The following CHST12 variants were observed in gnomAD, a reference collection of about 807,000 sequenced individuals.
The protein encoded by CHST12 is carbohydrate sulfotransferase 12, also known as carbohydrate (chondroitin 4) sulfotransferase 12.
In CHST12, 23 loss-of-function variants were observed where a neutral mutation model predicts 27.9. The ratio of observed to expected loss-of-function variants is 0.82; its 90% CI spans 0.59 to 1.17. CHST12 has a LOEUF of 1.17. Ranked by LOEUF, CHST12 falls within the 50% of genes most tolerant of loss-of-function variation. The pLI, the probability that CHST12 is intolerant of heterozygous loss-of-function variation, is 0.00. For missense variants in CHST12, 682 were observed against 603.0 expected (o/e 1.13, Z -1.37); for synonymous variants, 322 against 273.0 (o/e 1.18, Z -1.77).
chr7:2,408,448 A>T (rs1339980044), intron 1 of CHST12, among the ~76,000 whole-genome samples: 1 of 152,138 alleles, frequency 6.6e-6, no homozygotes, highest in Non-Finnish European at 1.5e-5. Context: ...CAAGAGGAGA[A>T]AGTAAAAACA....
At chr7:2,403,895 G>A (rs1174446716) in intron 1 of CHST12, among the ~76,000 whole-genome samples, 1 of 152,074 alleles carries the variant, frequency 6.6e-6, no homozygotes, top group Non-Finnish European at 1.5e-5. Context: ...AGCCCCGCTC[G>A]TCGTCCTCGG....
chr7:2,432,665 T>C lies in CHST12; in HGVS notation c.26T>C (p.Leu9Pro), dbSNP rs772825820. The change falls in exon 2 of 2, where the codon CTG (leucine) becomes CCG (proline). Residue 9 changes from leucine to proline, a missense_variant. Physicochemically the swap from Leu to Pro is moderately conservative, Grantham distance 98. Coordinates refer to ENST00000618655, the MANE Select transcript of CHST12 (RefSeq NM_018641.5). ...ATGACCAAGGCCCGGCTGTTCCGGC[T>C]GTGGCTGGTGCTGGGGTCGGTGTTC... MTKARLFR[L>P]WLVLGSVFMI... is the part of the protein sequence containing the mutation. The C allele has an allele frequency of 8.1e-6, 13 of 1,610,506 alleles. No homozygotes were observed. The South Asian group carries it at 1.4e-4, about 18-fold the overall frequency.
At chr7:2,416,559 T>A (rs1583212915) in intron 1 of CHST12, among the ~76,000 whole-genome samples, 1 of 152,326 alleles carries the variant, frequency 6.6e-6, no homozygotes, top group Non-Finnish European at 1.5e-5. Flanking sequence ...TACTGCTTGA[T>A]CCATGGGCTG....
intron 1 of CHST12, among the ~76,000 whole-genome samples, chr7:2,413,876 C>T (rs1374124129): frequency 6.6e-6 from 1 of 151,396 alleles, no homozygotes; most frequent in East Asian, 1.9e-4. Context: ...TCACAGGCAC[C>T]CACCACCACA....
chr7:2,413,129 T>C (rs1254390529), intron 1 of CHST12, among the ~76,000 whole-genome samples: 1 of 152,246 alleles, frequency 6.6e-6, no homozygotes, highest in Non-Finnish European at 1.5e-5. Flanking sequence ...TTTGTTCTTC[T>C]TTTGTAGATG....
rs540301034 is a variant in CHST12 at position 2,423,811 on chromosome 7, G to A, written c.-77-8752G>A. Among the ~76,000 whole-genome samples, 16 of 152,328 alleles carry A rather than the reference G, an allele frequency of 1.1e-4. No homozygotes were observed. The East Asian group carries it at 1.7e-3, about 17-fold the overall frequency. On this transcript the variant is annotated intron_variant, in intron 1 of 1. Transcript: ENST00000618655. The stretch of plus-strand genomic sequence containing the variant: ...GAAAAAATGAATTAAGAGGCCAGGC[G>A]TGGTGGCTCATGCCAGAAGCAGAGG...
At chr7:2,409,110 G>A (rs117054486) in intron 1 of CHST12, among the ~76,000 whole-genome samples, 1 of 152,198 alleles carries the variant, frequency 6.6e-6, no homozygotes, top group East Asian at 1.9e-4. Context: ...ACTACAAGGC[G>A]CAGCTGTGGA....
chr7:2,409,074 C>T (rs1036624620), intron 1 of CHST12, among the ~76,000 whole-genome samples: 2 of 152,094 alleles, frequency 1.3e-5, no homozygotes, highest in African/African-American at 2.4e-5. Flanking sequence ...AACCATCGTG[C>T]GGGAAACGAA....
At chr7:2,407,614 A>C (rs1304798161) in intron 1 of CHST12, among the ~76,000 whole-genome samples, 3 of 152,098 alleles carry the variant, frequency 2.0e-5, no homozygotes, top group African/African-American at 4.8e-5. Flanking sequence ...TCACTTTCAT[A>C]GCCTCTTCAC....
chr7:2,405,523 G>C (rs1781499453), intron 1 of CHST12, among the ~76,000 whole-genome samples: 1 of 152,188 alleles, frequency 6.6e-6, no homozygotes, highest in African/African-American at 2.4e-5. Flanking sequence ...GTGGTGGTTT[G>C]GGTGCGACGC....
chr7:2,421,514 GC>G (rs566168584), intron 1 of CHST12, among the ~76,000 whole-genome samples: 3 of 149,338 alleles, frequency 2.0e-5, no homozygotes, highest in Non-Finnish European at 4.4e-5. Context: ...TTGGCTCACT[GC>G]AACTTCCACC....
At chr7:2,405,731 G>T (rs1247181019) in intron 1 of CHST12, among the ~76,000 whole-genome samples, 2 of 152,196 alleles carry the variant, frequency 1.3e-5, no homozygotes, top group Non-Finnish European at 2.9e-5. Context: ...ACCTGTAACA[G>T]CGAGGGCAGC....
At chr7:2,404,578 G>T (rs985577559) in intron 1 of CHST12, among the ~76,000 whole-genome samples, 1 of 152,226 alleles carries the variant, frequency 6.6e-6, no homozygotes. Context: ...AGCTCAGCGG[G>T]TCCCCCACTT....
intron 1 of CHST12, among the ~76,000 whole-genome samples, chr7:2,431,517 C>T (rs1782268900): frequency 6.6e-6 from 1 of 152,190 alleles, no homozygotes; most frequent in South Asian, 2.1e-4. Flanking sequence ...ACTCTCCTGC[C>T]TCACACCATC....
At chr7:2,409,747 T>A (rs1781615700) in intron 1 of CHST12, among the ~76,000 whole-genome samples, 1 of 152,194 alleles carries the variant, frequency 6.6e-6, no homozygotes, top group African/African-American at 2.4e-5. Flanking sequence ...CATGGATATG[T>A]ATGTGTGGCA....
rs965419291 is a variant in CHST12, at chr7:2,436,063, A to G, written c.*2179A>G. On this transcript the variant is annotated 3_prime_UTR_variant, in exon 2 of 2. Transcript: ENST00000618655. ...TCCTGGGCTCAAGTGACCCTCCTGC[A>G]TCACCCTCCCAAAGTGCTGGGATTA... 1.3e-5 allele frequency: 2 copies of G among 152,214 alleles called. No homozygotes were observed. Among genetic ancestry groups the G allele is most frequent in the Admixed American group, 6.6e-5 (1 of 15,260 alleles). 9.4% of individuals were successfully genotyped at this position (152,214 alleles called of 1,614,324 possible).
Position 2,444,610 on chromosome 7 carries a change from G to T in CHST12, c.*10726G>T, listed in dbSNP as rs970610830. The T allele has an allele frequency of 1.3e-5, 2 of 152,276 alleles. No individual in the cohort carries two copies. Among genetic ancestry groups the T allele is most frequent in the Non-Finnish European group, 2.9e-5 (2 of 68,086 alleles). The allele number at this position is 152,276 out of a possible 1,614,324, so 9.4% of individuals were successfully genotyped here. On this transcript the variant is annotated 3_prime_UTR_variant, in exon 2 of 2. Coordinates refer to ENST00000618655, the MANE Select transcript of CHST12 (RefSeq NM_018641.5). Reference sequence around the variant, plus strand: ...AAAGAGCCCATTCAGAGGCCAGAAAGAAACTGTTAGGCTCTGAAGCCGTGG... The same window carrying T: ...AAAGAGCCCATTCAGAGGCCAGAAATAAACTGTTAGGCTCTGAAGCCGTGG...
At chr7:2,408,795 A>T (rs1200041484) in intron 1 of CHST12, among the ~76,000 whole-genome samples, 1 of 152,214 alleles carries the variant, frequency 6.6e-6, no homozygotes, top group African/African-American at 2.4e-5. Flanking sequence ...TGGTGGGAAC[A>T]GGATTTCCCC....
chr7:2,438,237 T>A lies in CHST12; in HGVS notation c.*4353T>A, dbSNP rs765068496. The stretch of plus-strand genomic sequence containing the variant: ...TCCTGAATGTGTTGGTTCGGCATGG[T>A]GACAGGTGTTTCCCTGCGGCAGAAT... On this transcript the variant is annotated 3_prime_UTR_variant, in exon 2 of 2. Coordinates refer to ENST00000618655, the MANE Select transcript of CHST12 (RefSeq NM_018641.5). The A allele has an allele frequency of 6.6e-6, 1 of 152,284 alleles. No individual in the cohort carries two copies. The highest frequency in any genetic ancestry group is 2.1e-4 in the South Asian group (1 of 4,832). 9.4% of individuals were successfully genotyped at this position (152,284 alleles called of 1,614,324 possible). A position where few individuals can be genotyped will look rare whatever the true frequency, so the allele number is the denominator to read the frequency against.
Sources: allele counts gnomAD v4.1 joint callset (sites outside exome capture counted in the v4.1 genomes callset), GRCh38; gene constraint gnomAD v4.1.1; transcripts MANE v1.5; gene names NCBI Gene and HGNC (gene_info 2026-07-23, HGNC 2026-07-21).